The following FANCC variants were observed in gnomAD, a reference collection of about 807,000 sequenced individuals.
FANCC encodes the protein FA complementation group C.
FANCC carries 55 observed loss-of-function variants against 71.3 expected under a neutral mutation model. The ratio of observed to expected loss-of-function variants is 0.77; its 90% CI spans 0.62 to 0.97. FANCC has a LOEUF of 0.97. Ranked by LOEUF, FANCC falls within the 50% of genes least tolerant of loss-of-function variation. The pLI is 0.00. For missense variants in FANCC, 678 were observed against 670.9 expected (o/e 1.01, Z -0.12); for synonymous variants, 275 against 244.9 (o/e 1.12, Z -1.15).
chr9:95,229,770 TACACACACAC>T (rs3030656), intron 4 of FANCC, among the ~76,000 whole-genome samples: 204 of 148,424 alleles, frequency 1.4e-3, no homozygotes, highest in African/African-American at 4.3e-3. Context: ...TGCACACATG[TACACACACAC>T]ACACACACAC....
At chr9:95,249,451 G>T in intron 1 of FANCC, 82 bp from the exon 2 acceptor site, 2 of 687,846 alleles carry the variant, frequency 2.9e-6, no homozygotes, top group Admixed American at 2.4e-5. Flanking sequence ...GGTGAAGGAG[G>T]GATTACAAAG....
chr9:95,186,995 T>C (rs1335916956), intron 4 of FANCC, among the ~76,000 whole-genome samples: 1 of 152,126 alleles, frequency 6.6e-6, no homozygotes, highest in Non-Finnish European at 1.5e-5. Flanking sequence ...TTTCACCACA[T>C]GGTCTCAAAC....
intron 6 of FANCC, among the ~76,000 whole-genome samples, chr9:95,155,156 G>A (rs1201178234): frequency 5.5e-5 from 8 of 146,714 alleles, no homozygotes; most frequent in Admixed American, 1.4e-4. Flanking sequence ...GGGGTGAGCT[G>A]AGATCATGCC....
intron 1 of FANCC, among the ~76,000 whole-genome samples, chr9:95,278,651 A>G (rs1406103862): frequency 6.6e-6 from 1 of 152,208 alleles, no homozygotes; most frequent in Non-Finnish European, 1.5e-5. Context: ...GATGTGCACT[A>G]CATTAGGTGT....
intron 6 of FANCC, among the ~76,000 whole-genome samples, chr9:95,159,212 G>A (rs543487910): frequency 2.0e-4 from 31 of 152,284 alleles, no homozygotes; most frequent in African/African-American, 7.0e-4. Flanking sequence ...GCCCCAGGGT[G>A]TGATGTTCCC....
intron 8 of FANCC, among the ~76,000 whole-genome samples, chr9:95,130,735 G>A (rs527518340): frequency 5.3e-5 from 8 of 152,196 alleles, no homozygotes; most frequent in Non-Finnish European, 8.8e-5. Context: ...GGAAGCCCTT[G>A]TTGTTAATAT....
intron 14 of FANCC, among the ~76,000 whole-genome samples, chr9:95,102,467 G>A (rs1387679266): frequency 6.6e-6 from 1 of 152,206 alleles, no homozygotes; most frequent in Non-Finnish European, 1.5e-5. Context: ...GGAAGGGTGA[G>A]AATCTTACAA....
At chr9:95,228,613 C>G (rs1156548868) in intron 4 of FANCC, among the ~76,000 whole-genome samples, 1 of 152,154 alleles carries the variant, frequency 6.6e-6, no homozygotes, top group Non-Finnish European at 1.5e-5. Flanking sequence ...AATGGGGAGA[C>G]AGAAAAAAAC....
At chr9:95,215,012 AAT>A (rs1433463530) in intron 4 of FANCC, among the ~76,000 whole-genome samples, 2 of 152,202 alleles carry the variant, frequency 1.3e-5, no homozygotes, top group African/African-American at 2.4e-5. Flanking sequence ...TTACCACAAA[AAT>A]ATATGATAAA....
At chr9:95,203,388 A>AAAC (rs1827920238) in intron 4 of FANCC, among the ~76,000 whole-genome samples, 1 of 151,556 alleles carries the variant, frequency 6.6e-6, no homozygotes, top group Non-Finnish European at 1.5e-5. Context: ...CAAAAAAAAA[A>AAAC]AAAAAAAACA....
chr9:95,107,942 T>C (rs2134469903), intron 13 of FANCC, among the ~76,000 whole-genome samples: 1 of 152,320 alleles, frequency 6.6e-6, no homozygotes, highest in Admixed American at 6.5e-5. Flanking sequence ...ACTCATTCCA[T>C]GCTGAGATGT....
chr9:95,217,593 A>T (rs1215630663), intron 4 of FANCC, among the ~76,000 whole-genome samples: 1 of 152,224 alleles, frequency 6.6e-6, no homozygotes, highest in Non-Finnish European at 1.5e-5. Context: ...AACACAATGT[A>T]TCAAAATTCA....
At chr9:95,134,121 C>T (rs1316447384) in intron 8 of FANCC, among the ~76,000 whole-genome samples, 1 of 152,190 alleles carries the variant, frequency 6.6e-6, no homozygotes, top group Non-Finnish European at 1.5e-5. Context: ...GCGTGGCTGT[C>T]AGCACCTGCA....
At chr9:95,208,452 A>G (rs1828286472) in intron 4 of FANCC, among the ~76,000 whole-genome samples, 1 of 152,154 alleles carries the variant, frequency 6.6e-6, no homozygotes, top group Non-Finnish European at 1.5e-5. Flanking sequence ...ATGCCATTGC[A>G]AAGGATACTA....
chr9:95,143,557 G>A (rs991278499), intron 7 of FANCC, among the ~76,000 whole-genome samples: 1 of 152,198 alleles, frequency 6.6e-6, no homozygotes, highest in Non-Finnish European at 1.5e-5. Flanking sequence ...GGTTTTAGGA[G>A]CCTGGATGAA....
At chr9:95,235,736 T>C (rs577438223) in intron 4 of FANCC, among the ~76,000 whole-genome samples, 13 of 141,520 alleles carry the variant, frequency 9.2e-5, no homozygotes, top group African/African-American at 3.4e-4. Flanking sequence ...CTGAGCTACT[T>C]GGGAGGCTGA....
At chr9:95,151,945 A>G (rs1167014308) in intron 6 of FANCC, among the ~76,000 whole-genome samples, 1 of 151,988 alleles carries the variant, frequency 6.6e-6, no homozygotes, top group African/African-American at 2.4e-5. Context: ...AAAAAACAAA[A>G]AACAAAAAAC....
chr9:95,285,162 CTCAG>C (rs879330674), intron 1 of FANCC, among the ~76,000 whole-genome samples: 5 of 152,010 alleles, frequency 3.3e-5, no homozygotes, highest in East Asian at 1.9e-4. Flanking sequence ...TAATTTATTT[CTCAG>C]TCAGAACCAA....
chr9:95,270,539 C>T (rs1403968188), intron 1 of FANCC, among the ~76,000 whole-genome samples: 1 of 152,228 alleles, frequency 6.6e-6, no homozygotes, highest in Non-Finnish European at 1.5e-5. Context: ...GCATAAACTG[C>T]TGTGCTAAAT....
Sources: allele counts gnomAD v4.1 joint callset (sites outside exome capture counted in the v4.1 genomes callset), GRCh38; gene constraint gnomAD v4.1.1; transcripts MANE v1.5; gene names NCBI Gene and HGNC (gene_info 2026-07-23, HGNC 2026-07-21).